SETX: variants seen among roughly 807,000 people sequenced by gnomAD.
SETX encodes senataxin, also known as helicase senataxin.
SETX carries 90 observed loss-of-function variants against 227.2 expected under a neutral mutation model. That is an observed-to-expected ratio of 0.40 (90% CI 0.33 to 0.47). The LOEUF is 0.47. Ranked by LOEUF, SETX falls within the 20% of genes least tolerant of loss-of-function variation. The pLI is 0.91. For synonymous variants in SETX, 1,210 were observed against 1,113.2 expected, an observed-to-expected ratio of 1.09 and a Z score of -1.73; for missense variants, 3,052 against 3,181.5, an observed-to-expected ratio of 0.96 and a Z score of 0.98.
intron 3 of SETX, among the ~76,000 whole-genome samples, chr9:132,348,760 T>C (rs1350175013): frequency 1.3e-5 from 2 of 151,646 alleles, no homozygotes. Context: ...ACCTCGTCTC[T>C]ACAAAAAAAT....
rs756153999 is a variant in SETX, at chr9:132,327,070, A to C, written c.4528T>G (p.Ser1510Ala). Residue 1510 changes from serine to alanine, a missense_variant, in exon 10 of 26, where the codon TCA (serine) becomes GCA (alanine). Coordinates refer to ENST00000224140, the MANE Select transcript of SETX (RefSeq NM_015046.7). ...TTATAATTGTCATTCTCCATTTGTG[A>C]ACATAAATCCATATCTTCAGGATCA... The part of the protein sequence containing the change: ...QNDPEDMDLC[S>A]QMENDNYKLI... 2 of 1,614,190 alleles carry C rather than the reference A, an allele frequency of 1.2e-6. No homozygotes were observed. The highest frequency in any genetic ancestry group is 4.5e-5 in the East Asian group (2 of 44,882).
rs374149839 is a variant in SETX at position 132,327,035 on chromosome 9, T to C, written c.4563A>G (p.Glu1521=). The C allele has an allele frequency of 3.2e-5, 52 of 1,614,108 alleles. No individual in the cohort carries two copies. The highest frequency in any genetic ancestry group is 3.8e-5 in the Non-Finnish European group (45 of 1,180,046). Residue 1521 remains glutamate (E), a synonymous_variant, in exon 10 of 26, where the codon GAA becomes GAG. Transcript: ENST00000224140. ...QMENDNYKLI[E]LIHGKDTVEV... ...CAACTGTATCTTTTCCATGAATTAG[T>C]TCAATGAGTTTATAATTGTCATTCT... is the stretch of plus-strand genomic sequence containing the variant.
chr9:132,331,078 T>G lies in SETX; in HGVS notation c.1072A>C (p.Asn358His). The G allele has an allele frequency of 1.2e-6, 2 of 1,613,138 alleles. No individual in the cohort carries two copies. Among genetic ancestry groups the G allele is most frequent in the Non-Finnish European group, 1.7e-6 (2 of 1,179,074 alleles). The change falls in exon 9 of 26, where the codon AAT becomes CAT. Residue 358 changes from asparagine (N) to histidine (H), a missense_variant. Coordinates refer to ENST00000224140, the MANE Select transcript of SETX (RefSeq NM_015046.7). ...DMVTCSQIVY[N>H]YNPEKTKKDS... ...TTTTTGGTCTTTTCAGGATTATAAT[T>G]GTATACGATCTGGCTGCAAGTCACC...
In SETX at chr9:132,269,662, G is replaced by C; in HGVS notation, c.7240C>G (p.Arg2414Gly). The C allele has an allele frequency of 6.2e-7, 1 of 1,614,198 alleles. No homozygotes were observed. Among genetic ancestry groups the C allele is most frequent in the Non-Finnish European group, 8.5e-7 (1 of 1,180,030 alleles). The change falls in exon 25 of 26, where the codon CGA (arginine) becomes GGA (glycine). Residue 2414 changes from arginine to glycine, a missense_variant. Transcript: ENST00000224140. ...AGGATGAAGAGGCTGTACTTGGCTC[G>C]TGTGATGGTGACATTCAATCTCTGC... ...SLQRLNVTIT[R>G]AKYSLFILGH...
chr9:132,296,799 T>C (rs1174419159), intron 14 of SETX, 88 bp downstream of exon 14: 21 of 1,179,888 alleles, frequency 1.8e-5, no homozygotes, highest in Non-Finnish European at 2.4e-5. Context: ...GGAAATGGCA[T>C]GTTAATACTT....
At chr9:132,352,361 C>A (rs1405736514) in intron 2 of SETX, among the ~76,000 whole-genome samples, 4 of 152,192 alleles carry the variant, frequency 2.6e-5, no homozygotes, top group Non-Finnish European at 1.5e-5. Flanking sequence ...TGAGAATTCT[C>A]ACCTCTTCAT....
intron 10 of SETX, among the ~76,000 whole-genome samples, chr9:132,320,906 C>T (rs181096593): frequency 7.4e-4 from 112 of 152,286 alleles, no homozygotes; most frequent in South Asian, 6.2e-4. Flanking sequence ...AGCCCAAGAA[C>T]GTGAACTCCA....
At chr9:132,294,953 G>C (rs968523637) in intron 15 of SETX, among the ~76,000 whole-genome samples, 44 of 152,300 alleles carry the variant, frequency 2.9e-4, no homozygotes, top group African/African-American at 1.0e-3. Flanking sequence ...ACTGTATTTG[G>C]AGTCTGCTAA....
Position 132,286,172 on chromosome 9 carries a change from A to G in SETX, c.6396+251T>C, listed in dbSNP as rs1429099932. ...TACTCCAGTCTGGTGACAGAGCAAGACTTCACCTCAAAAAAAAAAAAAAAA... is the reference window on the plus strand; with the variant it reads ...TACTCCAGTCTGGTGACAGAGCAAGGCTTCACCTCAAAAAAAAAAAAAAAA... On this transcript the variant is annotated intron_variant, in intron 18 of 25. Coordinates refer to ENST00000224140, the MANE Select transcript of SETX (RefSeq NM_015046.7). Among the ~76,000 whole-genome samples, 3 of 135,784 alleles carry G rather than the reference A, an allele frequency of 2.2e-5. No homozygotes were observed. The East Asian group carries it at 6.8e-4, about 31-fold the overall frequency. 89.1% of individuals were successfully genotyped at this position (135,784 alleles called of 152,430 possible).
chr9:132,336,376 G>A lies in SETX; in HGVS notation c.638C>T (p.Ser213Phe), dbSNP rs1254442456. Residue 213 changes from serine (S) to phenylalanine (F), a missense_variant, in exon 6 of 26, where the codon TCT (serine) becomes TTT (phenylalanine). Around this residue, in one of 10 missense-constraint regions of SETX, gnomAD observed 239 missense variants for 240.8 expected, o/e 0.99. Coordinates refer to ENST00000224140, the MANE Select transcript of SETX (RefSeq NM_015046.7). Reference protein sequence around the residue: ...GLLESPDIYTSSVLEKGKLIL... With the variant: ...GLLESPDIYTFSVLEKGKLIL... ...CAGTTTACCCTTCTCTAGGACAGAA[G>A]AAGTATAAATGTCTGGACTCTCTAA... The A allele has an allele frequency of 4.2e-5, 68 of 1,613,964 alleles. No individual in the cohort carries two copies. In the Admixed American group the frequency reaches 1.1e-3, roughly 27 times the overall value.
In SETX at chr9:132,297,962, A is replaced by C. The variant is rs1844767171; in HGVS notation, c.5781+118T>G. 3.5e-6 allele frequency: 3 copies of C among 868,678 alleles called. 1 individual carries two copies. The highest frequency in any genetic ancestry group is 3.0e-5 in the South Asian group (2 of 67,600). 53.8% of individuals were successfully genotyped at this position (868,678 alleles called of 1,614,324 possible). ...TGCAATACTAAAGAAAACTAACACT[A>C]AACTGTTCACCGTGAACACATTTTT... On this transcript the variant is annotated intron_variant, in intron 13 of 25. Coordinates refer to ENST00000224140, the MANE Select transcript of SETX (RefSeq NM_015046.7).
At position 132,343,135 on chromosome 9, in the gene SETX, C is replaced by A. The variant is rs925822388; in HGVS notation, c.389-336G>T. ...GAGATCGAGAACATCCTGGCTAACA[C>A]GGTGAAACCCCGTCTCTACTAAAAA... is the stretch of plus-strand genomic sequence containing the variant. On this transcript the variant is annotated intron_variant, in intron 4 of 25. Coordinates refer to ENST00000224140, the MANE Select transcript of SETX (RefSeq NM_015046.7). Among the ~76,000 whole-genome samples the A allele has an allele frequency of 2.0e-5, 3 of 152,042 alleles. No individual in the cohort carries two copies. The East Asian group carries it at 5.8e-4, about 30-fold the overall frequency.
intron 5 of SETX, among the ~76,000 whole-genome samples, chr9:132,341,552 A>G (rs554122587): frequency 6.6e-6 from 1 of 152,302 alleles, no homozygotes; most frequent in South Asian, 2.1e-4. Context: ...CAGGGCTCCC[A>G]ACCTTTGGTT....
rs1477930728 is a variant in SETX at position 132,264,913 on chromosome 9, T to C, written c.7360A>G (p.Asn2454Asp). Residue 2454 changes from asparagine to aspartate, a missense_variant, in exon 26 of 26, where the codon AAC (asparagine) becomes GAC (aspartate). Physicochemically the swap from Asn to Asp is conservative, Grantham distance 23. Coordinates refer to ENST00000224140, the MANE Select transcript of SETX (RefSeq NM_015046.7). ...ATCTTCACTGCATCATGTCTATAGT[T>C]TTTGTCACAGGTCTTAATAATGGCA... ...RGAIIKTCDKNYRHDAVKILK... is the reference protein window; with the variant it reads ...RGAIIKTCDKDYRHDAVKILK... The C allele has an allele frequency of 6.2e-7, 1 of 1,614,070 alleles. No individual in the cohort carries two copies. The highest frequency in any genetic ancestry group is 1.1e-5 in the South Asian group (1 of 91,076).
intron 10 of SETX, among the ~76,000 whole-genome samples, chr9:132,324,108 T>C (rs969163153): frequency 6.6e-6 from 1 of 152,078 alleles, no homozygotes; most frequent in Non-Finnish European, 1.5e-5. Flanking sequence ...TACAAAAATG[T>C]CCTGAAGGAA....
At chr9:132,301,934 C>G (rs778101968) in intron 11 of SETX, among the ~76,000 whole-genome samples, 6 of 152,222 alleles carry the variant, frequency 3.9e-5, no homozygotes, top group Non-Finnish European at 8.8e-5. Flanking sequence ...CAAACCACTG[C>G]TGAGAGAAAC....
Position 132,328,690 on chromosome 9 carries a change from G to C in SETX, c.2908C>G (p.Gln970Glu). The C allele has an allele frequency of 6.2e-7, 1 of 1,613,822 alleles. No homozygotes were observed. The highest frequency in any genetic ancestry group is 1.3e-5 in the African/African-American group (1 of 75,048). ...RDLHKLSLLA[Q>E]ASVITFPSDS... The stretch of plus-strand genomic sequence containing the variant: ...GATGGGAACGTAATAACACTGGCTT[G>C]AGCTAGTAAAGATAATTTGTGAAGG... Residue 970 changes from glutamine to glutamate, a missense_variant, in exon 10 of 26, where the codon CAA becomes GAA. This residue lies in a region of SETX where 1,483 missense variants were observed against 1,312.0 expected (regional missense o/e 1.13). Transcript: ENST00000224140.
intron 10 of SETX, among the ~76,000 whole-genome samples, chr9:132,315,454 A>G (rs1304842414): frequency 6.6e-6 from 1 of 152,212 alleles, no homozygotes; most frequent in Non-Finnish European, 1.5e-5. Flanking sequence ...TTAAACTCCT[A>G]GAGTTATCCA....
At chr9:132,275,521 G>A in intron 22 of SETX, 101 bp from the exon 23 acceptor site, 1 of 991,544 alleles carries the variant, frequency 1.0e-6, no homozygotes. Flanking sequence ...ATAGTAAAGG[G>A]CAGGCAGATA....
Sources: gnomAD v4.1 joint callset for allele counts (sites outside exome capture counted in the v4.1 genomes callset) on GRCh38, gnomAD v4.1.1 for gene constraint, gnomAD v4.1.1 regional missense constraint, MANE v1.5 for transcripts, NCBI Gene and HGNC (gene_info 2026-07-23, HGNC 2026-07-21) for gene names.